The following C1QTNF1 variants were observed in gnomAD, a reference collection of about 807,000 sequenced individuals.
C1QTNF1 encodes the protein C1q and TNF related 1.
Under a neutral mutation model 27.8 loss-of-function variants are expected in C1QTNF1, and 22 were observed. The ratio of observed to expected loss-of-function variants is 0.79; its 90% confidence interval spans 0.56 to 1.13. The LOEUF (loss-of-function observed/expected upper bound fraction) is 1.13. Among genes scored for constraint, C1QTNF1 ranks in the 50% most tolerant of loss-of-function variants. The probability of loss-of-function intolerance (pLI) is 0.00; values close to 1 mark genes in which losing one functional copy is unlikely to be tolerated. For synonymous variants in C1QTNF1, 166 were observed against 154.3 expected (o/e 1.08, Z -0.56); for missense variants, 373 against 380.2 (o/e 0.98, Z 0.16).
intron 1 of C1QTNF1, among the ~76,000 whole-genome samples, chr17:79,030,485 T>TTTCTTTCTTTC (rs2072102927): frequency 8.2e-5 from 10 of 121,804 alleles, no homozygotes; most frequent in Non-Finnish European, 1.3e-4. Flanking sequence ...CTTTCTTTCT[T>TTTCTTTCTTTC]TTTCTTTCTT....
chr17:79,043,279 AGT>A (rs1165478840), intron 1 of C1QTNF1: 9 of 443,898 alleles, frequency 2.0e-5, no homozygotes, highest in African/African-American at 2.3e-5. Context: ...GTGTGTTGAG[AGT>A]GTGCATGTGA....
At chr17:79,028,315 A>G (rs1001615503) in intron 1 of C1QTNF1, among the ~76,000 whole-genome samples, 2 of 152,214 alleles carry the variant, frequency 1.3e-5, no homozygotes, top group East Asian at 1.9e-4. Context: ...TCAGCAAGAC[A>G]TCTGGATAAC....
Position 79,044,270 on chromosome 17 carries a change from C to T in C1QTNF1, c.155+147C>T. ...GCCGTGGCCCTGCTGGAGGCTGGTC[C>T]TGCAGGACAGACGAGCGATTCCTCC... On this transcript the variant is annotated intron_variant, in intron 2 of 3. Transcript: ENST00000579760. 5.3e-6 allele frequency: 5 copies of T among 934,586 alleles called. No homozygotes were observed. The South Asian group carries it at 8.8e-5, about 17-fold the overall frequency. 57.9% of individuals were successfully genotyped at this position (934,586 alleles called of 1,614,324 possible).
At chr17:79,042,338 G>C (rs568095794) in intron 1 of C1QTNF1, among the ~76,000 whole-genome samples, 1 of 152,212 alleles carries the variant, frequency 6.6e-6, no homozygotes, top group African/African-American at 2.4e-5. Context: ...GCCGCCCCTC[G>C]CGGGCTCCCT....
chr17:79,028,059 C>T (rs768740227), intron 1 of C1QTNF1, among the ~76,000 whole-genome samples: 2 of 152,222 alleles, frequency 1.3e-5, no homozygotes, highest in Non-Finnish European at 2.9e-5. Flanking sequence ...GTGGCCGGGC[C>T]GGTGTCTGCC....
At chr17:79,037,234 A>T (rs1435337600) in intron 1 of C1QTNF1, among the ~76,000 whole-genome samples, 1 of 152,080 alleles carries the variant, frequency 6.6e-6, no homozygotes, top group Admixed American at 6.5e-5. Context: ...GGTTCAAGCG[A>T]TTCTCCTGCC....
At chr17:79,023,525 G>A (rs571452167), upstream of C1QTNF1, among the ~76,000 whole-genome samples, 1 of 152,338 alleles carries the variant, frequency 6.6e-6, no homozygotes, top group East Asian at 1.9e-4. Context: ...GGAATGAGAG[G>A]CCTGATAGAG....
chr17:79,043,099 TG>T (rs1420722474), intron 1 of C1QTNF1, among the ~76,000 whole-genome samples: 1 of 151,398 alleles, frequency 6.6e-6, no homozygotes, highest in Non-Finnish European at 1.5e-5. Context: ...TGTGTGTGCA[TG>T]TGTGCATGGA....
At chr17:79,032,388 G>A (rs980747810) in intron 1 of C1QTNF1, among the ~76,000 whole-genome samples, 2 of 152,204 alleles carry the variant, frequency 1.3e-5, no homozygotes, top group African/African-American at 4.8e-5. Context: ...AGGGACTCAC[G>A]CGGGGTGGGG....
chr17:79,047,384 G>A (rs1413844034), intron 3 of C1QTNF1, among the ~76,000 whole-genome samples, 154 bp from the exon 4 acceptor site: 4 of 152,080 alleles, frequency 2.6e-5, no homozygotes, highest in East Asian at 1.9e-4. Flanking sequence ...GACGCCGCCC[G>A]TGGCAGGGGG....
intron 2 of C1QTNF1, among the ~76,000 whole-genome samples, chr17:79,044,352 G>A (rs980449880): frequency 7.2e-5 from 11 of 152,144 alleles, no homozygotes; most frequent in African/African-American, 2.4e-5. Flanking sequence ...GCCTCACCAC[G>A]AGCCTAAAGG....
intron 1 of C1QTNF1, among the ~76,000 whole-genome samples, chr17:79,026,734 T>G (rs2071973360): frequency 6.6e-6 from 1 of 152,140 alleles, no homozygotes; most frequent in Non-Finnish European, 1.5e-5. Context: ...AGGACACCAC[T>G]GCCCCTCCCA....
In C1QTNF1 at chr17:79,048,136, T is replaced by TGCTGACCCCAGGGCTCAGCACTAG; in HGVS notation, c.*58_*59insGGGCTCAGCACTAGGCTGACCCCA. 6.9e-7 allele frequency: 1 copy of TGCTGACCCCAGGGCTCAGCACTAG among 1,449,312 alleles called. No homozygotes were observed. Among genetic ancestry groups the TGCTGACCCCAGGGCTCAGCACTAG allele is most frequent in the South Asian group, 1.4e-5 (1 of 70,306 alleles). 89.8% of individuals were successfully genotyped at this position (1,449,312 alleles called of 1,614,324 possible). On this transcript the variant is annotated 3_prime_UTR_variant, in exon 4 of 4. Transcript: ENST00000579760. ...CTCGCCACCTTCCACCCCTGCGCTGTGCTGACCCCACCGCCTCTTCCCCGA... is the reference window on the plus strand; with the variant it reads ...CTCGCCACCTTCCACCCCTGCGCTGTGCTGACCCCAGGGCTCAGCACTAGGCTGACCCCACCGCCTCTTCCCCGA...
rs764752229 is a variant in C1QTNF1, at chr17:79,047,994, A to G, written c.752A>G (p.Tyr251Cys). Residue 251 changes from tyrosine (Y) to cysteine (C), a missense_variant, in exon 4 of 4, where the codon TAC becomes TGC. Coordinates refer to ENST00000579760, the MANE Select transcript of C1QTNF1 (RefSeq NM_030968.5). ...CAGGACCAGGTGTGGGTACGCCTCT[A>G]CAAGGGCGAACGTGAGAACGCCATC... Reference protein sequence around the residue: ...REQDQVWVRLYKGERENAIFS... With the variant: ...REQDQVWVRLCKGERENAIFS... 1 of 1,612,302 alleles carries G rather than the reference A, an allele frequency of 6.2e-7. No homozygotes were observed. The highest frequency in any genetic ancestry group is 1.3e-5 in the African/African-American group (1 of 75,034).
intron 1 of C1QTNF1, among the ~76,000 whole-genome samples, chr17:79,029,079 G>A (rs942055754): frequency 1.3e-5 from 2 of 152,212 alleles, no homozygotes; most frequent in African/African-American, 2.4e-5. Context: ...TACCTGGCAT[G>A]TAGTGGGCAC....
Position 79,047,997 on chromosome 17 carries a change from A to C in C1QTNF1, c.755A>C (p.Lys252Thr). Residue 252 changes from lysine to threonine, a missense_variant, in exon 4 of 4, where the codon AAG (lysine) becomes ACG (threonine). Physicochemically the swap from Lys to Thr is moderately conservative, Grantham distance 78 (BLOSUM62 -1). Transcript: ENST00000579760. ...EQDQVWVRLY[K>T]GERENAIFSE... ...GACCAGGTGTGGGTACGCCTCTACA[A>C]GGGCGAACGTGAGAACGCCATCTTC... 6.2e-7 allele frequency: 1 copy of C among 1,612,056 alleles called. No homozygotes were observed. Among genetic ancestry groups the C allele is most frequent in the Non-Finnish European group, 8.5e-7 (1 of 1,179,456 alleles).
intron 1 of C1QTNF1, among the ~76,000 whole-genome samples, chr17:79,041,544 G>A (rs796206113): frequency 2.0e-5 from 3 of 152,302 alleles, no homozygotes; most frequent in African/African-American, 7.2e-5. Context: ...TCGGGAGGCC[G>A]AGGTGGGTGG....
At chr17:79,038,377 T>C (rs2072316541) in intron 1 of C1QTNF1, among the ~76,000 whole-genome samples, 1 of 152,118 alleles carries the variant, frequency 6.6e-6, no homozygotes, top group Non-Finnish European at 1.5e-5. Context: ...TTTTCTGGCC[T>C]CCCTCCTCCT....
chr17:79,048,177 T>C lies in C1QTNF1; in HGVS notation c.*89T>C, dbSNP rs1357899308. ...TCTTCCCCGATCCCTGGACTCCGAC[T>C]CCCTGGCTTTGGCATTCAGTGAGAC... On this transcript the variant is annotated 3_prime_UTR_variant, in exon 4 of 4. Coordinates refer to ENST00000579760, the MANE Select transcript of C1QTNF1 (RefSeq NM_030968.5). 2.0e-6 allele frequency: 2 copies of C among 999,404 alleles called. No homozygotes were observed. Among genetic ancestry groups the C allele is most frequent in the Non-Finnish European group, 2.6e-6 (2 of 762,034 alleles). The allele number at this position is 999,404 out of a possible 1,614,324, so 61.9% of individuals were successfully genotyped here. A position where few individuals can be genotyped will look rare whatever the true frequency, so the allele number is the denominator to read the frequency against.
Sources: gnomAD v4.1 joint callset for allele counts (sites outside exome capture counted in the v4.1 genomes callset) on GRCh38, gnomAD v4.1.1 for gene constraint, MANE v1.5 for transcripts, NCBI Gene and HGNC (gene_info 2026-07-23, HGNC 2026-07-21) for gene names.